Variants in TBATA observed in about 807,000 individuals in gnomAD.
The protein encoded by TBATA is thymus, brain and testes associated.
TBATA carries 47 observed loss-of-function variants against 38.7 expected under a neutral mutation model. The observed-to-expected ratio is 1.21, with a 90% confidence interval of 0.96 to 1.55. The LOEUF (loss-of-function observed/expected upper bound fraction) is 1.55. TBATA is among the 40% of genes most tolerant of loss of function. TBATA has a pLI of 0.00. For synonymous variants in TBATA, 183 were observed against 170.5 expected, an observed-to-expected ratio of 1.07 and a Z score of -0.57; for missense variants, 436 against 435.6, an observed-to-expected ratio of 1.00 and a Z score of -0.01.
chr10:70,781,203 T>A (rs1844170515), intron 4 of TBATA, among the ~76,000 whole-genome samples: 1 of 152,214 alleles, frequency 6.6e-6, no homozygotes, highest in Admixed American at 6.5e-5. Flanking sequence ...GCCTGAGACA[T>A]CTTTCCCCTG....
intron 4 of TBATA, 96 bp from the exon 5 acceptor site, chr10:70,779,838 T>C: frequency 7.8e-7 from 1 of 1,274,286 alleles, no homozygotes; most frequent in Non-Finnish European, 1.1e-6. Flanking sequence ...TGATTCCGGC[T>C]CCACCTCTTC....
intron 10 of TBATA, 36 bp from the exon 11 acceptor site, chr10:70,771,497 G>C: frequency 1.9e-6 from 3 of 1,601,402 alleles, no homozygotes; most frequent in Non-Finnish European, 2.6e-6. Context: ...GGAGAGGACC[G>C]GGAAGGTGGG....
chr10:70,781,143 CAG>C (rs571936277), intron 4 of TBATA, among the ~76,000 whole-genome samples: 417 of 152,358 alleles, frequency 2.7e-3, no homozygotes, highest in African/African-American at 9.7e-3. Context: ...GCTGCTCCAA[CAG>C]AGTGGGAGCG....
chr10:70,774,492 G>A, intron 8 of TBATA, 135 bp from the exon 9 acceptor site: 2 of 800,248 alleles, frequency 2.5e-6, no homozygotes, highest in Non-Finnish European at 3.9e-6. Flanking sequence ...GTCCCCTCGG[G>A]AGAGCTCCCC....
chr10:70,773,473 G>GCCAT (rs770534823), intron 9 of TBATA, among the ~76,000 whole-genome samples: 1 of 151,314 alleles, frequency 6.6e-6, no homozygotes, highest in African/African-American at 2.4e-5. Context: ...AGGCCCCCCC[G>GCCAT]GCTTCACCCC....
At chr10:70,771,555 G>C in intron 10 of TBATA, 94 bp from the exon 11 acceptor site, 4 of 1,220,532 alleles carry the variant, frequency 3.3e-6, no homozygotes, top group Non-Finnish European at 4.7e-6. Flanking sequence ...TGAGGGGAAG[G>C]TCTGAGTCAA....
chr10:70,772,333 C>T (rs1842872345), intron 10 of TBATA, 181 bp downstream of exon 10: 1 of 740,996 alleles, frequency 1.3e-6, no homozygotes, highest in African/African-American at 1.7e-5. Context: ...CAGAGTTCAG[C>T]ACATTGTGGG....
intron 10 of TBATA, among the ~76,000 whole-genome samples, chr10:70,771,749 A>T (rs1023932301): frequency 6.6e-6 from 1 of 152,092 alleles, no homozygotes; most frequent in Non-Finnish European, 1.5e-5. Context: ...GGAGAATAAT[A>T]TACATTGAGG....
At chr10:70,783,130 C>T (rs945671912) in intron 3 of TBATA, among the ~76,000 whole-genome samples, 4 of 152,238 alleles carry the variant, frequency 2.6e-5, no homozygotes, top group Admixed American at 6.5e-5. Context: ...CAAGTCTTTT[C>T]CCTGCCCAGG....
chr10:70,781,590 G>C (rs1257124818), intron 4 of TBATA, among the ~76,000 whole-genome samples: 1 of 152,232 alleles, frequency 6.6e-6, no homozygotes, highest in Non-Finnish European at 1.5e-5. Context: ...GCAGTCAGGG[G>C]AATCTGTAGG....
chr10:70,776,962 G>T (rs182105700), intron 7 of TBATA, among the ~76,000 whole-genome samples, 191 bp downstream of exon 7: 3 of 152,284 alleles, frequency 2.0e-5, no homozygotes, highest in Admixed American at 2.0e-4. Flanking sequence ...CCCAGGGAGG[G>T]GAAAGGACTC....
intron 9 of TBATA, 38 bp downstream of exon 9, chr10:70,774,175 G>C (rs1034714372): frequency 7.5e-6 from 12 of 1,606,164 alleles, no homozygotes; most frequent in Non-Finnish European, 1.0e-5. Context: ...TGGGAGGACA[G>C]AAGGCTGCAG....
chr10:70,773,464 G>GCCCC (rs1564574133), intron 9 of TBATA, among the ~76,000 whole-genome samples: 2 of 7,074 alleles, frequency 2.8e-4, no homozygotes, highest in Admixed American at 1.8e-3. Flanking sequence ...TAAAAATACA[G>GCCCC]GCCCCCCCGG....
intron 8 of TBATA, 134 bp downstream of exon 8, chr10:70,775,055 G>A: frequency 2.8e-6 from 2 of 723,830 alleles, no homozygotes; most frequent in South Asian, 2.0e-5. Context: ...GGGCTCCAAA[G>A]TGGAGGAGAG....
intron 6 of TBATA, chr10:70,777,637 G>T: frequency 2.2e-6 from 1 of 456,710 alleles, no homozygotes; most frequent in South Asian, 2.1e-5. Flanking sequence ...AGTAATGCAG[G>T]GTCGATCGCT....
At chr10:70,773,486 C>T (rs1843001221) in intron 9 of TBATA, among the ~76,000 whole-genome samples, 1 of 151,654 alleles carries the variant, frequency 6.6e-6, no homozygotes, top group African/African-American at 2.4e-5. Context: ...TTCACCCCGG[C>T]CTGCTATGTT....
At chr10:70,775,073 T>C (rs1843212544) in intron 8 of TBATA, 116 bp downstream of exon 8, 30 of 934,298 alleles carry the variant, frequency 3.2e-5, no homozygotes, top group South Asian at 1.9e-4. Flanking sequence ...GAGGCCTCCA[T>C]GGAAGGCCCC....
intron 7 of TBATA, among the ~76,000 whole-genome samples, chr10:70,775,508 C>T (rs1015349870): frequency 1.8e-4 from 27 of 152,166 alleles, no homozygotes; most frequent in Admixed American, 2.6e-4. Context: ...TCCTGCTGGA[C>T]GGGTGGAGAA....
intron 4 of TBATA, 81 bp downstream of exon 4, chr10:70,781,720 T>G: frequency 7.5e-7 from 1 of 1,330,516 alleles, no homozygotes; most frequent in Non-Finnish European, 1.1e-6. Flanking sequence ...GGAAATGGGC[T>G]GCCATCAATT....
Sources: allele counts gnomAD v4.1 joint callset (sites outside exome capture counted in the v4.1 genomes callset), GRCh38; gene constraint gnomAD v4.1.1; transcripts MANE v1.5; gene names NCBI Gene and HGNC (gene_info 2026-07-23, HGNC 2026-07-21).